Variants in PACRG observed in about 807,000 individuals in gnomAD.
PACRG encodes parkin coregulated.
PACRG carries 29 observed loss-of-function variants against 29.7 expected under a neutral mutation model. The observed-to-expected ratio is 0.98, with a 90% CI of 0.73 to 1.33. The LOEUF is 1.33. Among genes scored for constraint, PACRG ranks in the 40% most tolerant of loss-of-function variants. The probability of loss-of-function intolerance (pLI) is 0.00; values close to 1 mark genes in which losing one functional copy is unlikely to be tolerated. For synonymous variants in PACRG, 116 were observed against 118.7 expected, an observed-to-expected ratio of 0.98 and a Z score of 0.15; for missense variants, 279 against 316.2, an observed-to-expected ratio of 0.88 and a Z score of 0.89.
At chr6:163,143,275 C>G (rs1777629682) in intron 4 of PACRG, among the ~76,000 whole-genome samples, 1 of 152,132 alleles carries the variant, frequency 6.6e-6, no homozygotes, top group Non-Finnish European at 1.5e-5. Flanking sequence ...ACCTCAACAG[C>G]TACTCATGAT....
intron 4 of PACRG, among the ~76,000 whole-genome samples, chr6:163,164,462 C>T (rs922117777): frequency 6.6e-6 from 1 of 152,208 alleles, no homozygotes; most frequent in South Asian, 2.1e-4. Flanking sequence ...TCCCATCCAG[C>T]CTCTATGTCA....
At chr6:162,883,824 AAAATTTAACTACTAAT>A (rs1435332037) in intron 2 of PACRG, among the ~76,000 whole-genome samples, 38 of 152,236 alleles carry the variant, frequency 2.5e-4, no homozygotes, top group African/African-American at 8.9e-4. Flanking sequence ...TGAGTCCCCC[AAAATTTAACTACTAAT>A]ACCCTACTGT....
intron 2 of PACRG, among the ~76,000 whole-genome samples, chr6:162,969,217 A>G (rs1668789411): frequency 6.6e-6 from 1 of 152,080 alleles, no homozygotes; most frequent in Admixed American, 6.6e-5. Flanking sequence ...CTTACTGCTG[A>G]CTGCTGTATA....
At chr6:162,753,447 A>C (rs569096552) in intron 1 of PACRG, among the ~76,000 whole-genome samples, 1 of 152,292 alleles carries the variant, frequency 6.6e-6, no homozygotes, top group African/African-American at 2.4e-5. Context: ...CTCTTTCTTA[A>C]GGCTGAATAG....
At chr6:163,264,069 G>A (rs191362634) in intron 4 of PACRG, among the ~76,000 whole-genome samples, 3 of 152,294 alleles carry the variant, frequency 2.0e-5, no homozygotes, top group Admixed American at 1.3e-4. Flanking sequence ...GTCAAGAGAA[G>A]GAAACTTGCC....
chr6:162,755,814 T>C (rs2128284660), intron 1 of PACRG, among the ~76,000 whole-genome samples: 1 of 152,342 alleles, frequency 6.6e-6, no homozygotes, highest in African/African-American at 2.4e-5. Context: ...TTCCATACGT[T>C]TTGGTGTGTT....
chr6:163,224,771 G>C (rs1781722675), intron 4 of PACRG, among the ~76,000 whole-genome samples: 1 of 151,900 alleles, frequency 6.6e-6, no homozygotes, highest in African/African-American at 2.4e-5. Context: ...CATTGGCCTA[G>C]GTAGTTTTGT....
At chr6:162,962,839 A>G (rs549965002) in intron 2 of PACRG, among the ~76,000 whole-genome samples, 2 of 152,330 alleles carry the variant, frequency 1.3e-5, no homozygotes, top group East Asian at 3.9e-4. Flanking sequence ...TGACTGAAGA[A>G]CAAGGTAGAT....
chr6:163,072,728 A>G (rs1266630074), intron 3 of PACRG, among the ~76,000 whole-genome samples: 3 of 152,180 alleles, frequency 2.0e-5, no homozygotes, highest in African/African-American at 7.2e-5. Flanking sequence ...CCACCAAAAA[A>G]CTATTAGACC....
In PACRG at chr6:163,124,054, C is replaced by T. The variant is rs140012376; in HGVS notation, c.613+34646C>T. On this transcript the variant is annotated intron_variant, in intron 4 of 4. Coordinates refer to ENST00000366888, the MANE Select transcript of PACRG (RefSeq NM_001080379.2). ...ATTCTATTTTAATTTTTTGAGGAAC[C>T]TCCATGCTGCTTTCCATAGTGGCAG... is the stretch of plus-strand genomic sequence containing the variant. 2.6e-5 allele frequency among the ~76,000 whole-genome samples: 4 copies of T among 152,318 alleles called. No homozygotes were observed. The South Asian group carries it at 6.2e-4, about 24-fold the overall frequency.
chr6:162,742,139 A>C (rs141866525), intron 1 of PACRG, among the ~76,000 whole-genome samples: 167 of 152,160 alleles, frequency 1.1e-3, no homozygotes, highest in African/African-American at 3.9e-3. Flanking sequence ...CACGTATGAT[A>C]TGGTTTGGCT....
At chr6:162,841,389 G>A (rs908837432) in intron 2 of PACRG, among the ~76,000 whole-genome samples, 2 of 151,158 alleles carry the variant, frequency 1.3e-5, no homozygotes, top group East Asian at 1.9e-4. Flanking sequence ...GCATAGAGGT[G>A]TTTGTAGTAT....
At chr6:162,833,790 AC>A (rs1295589891) in intron 2 of PACRG, among the ~76,000 whole-genome samples, 2 of 152,094 alleles carry the variant, frequency 1.3e-5, no homozygotes, top group African/African-American at 4.8e-5. Context: ...TAACAGTTTT[AC>A]TTTTACTGAT....
chr6:163,138,013 G>A (rs1185005331), intron 4 of PACRG, among the ~76,000 whole-genome samples: 1 of 152,210 alleles, frequency 6.6e-6, no homozygotes, highest in Admixed American at 6.5e-5. Flanking sequence ...TCAGAGCCTG[G>A]CTCAGAGGCT....
chr6:163,095,313 T>C (rs1814472490), intron 4 of PACRG: 1 of 985,086 alleles, frequency 1.0e-6, no homozygotes, highest in African/African-American at 1.7e-5. Context: ...AAATTACGTC[T>C]CTATGTGCTC....
chr6:163,248,084 C>T (rs1029540115), intron 4 of PACRG, among the ~76,000 whole-genome samples: 3 of 152,152 alleles, frequency 2.0e-5, no homozygotes, highest in Non-Finnish European at 4.4e-5. Context: ...CCTCCATGCC[C>T]CACTGAATGG....
At chr6:162,940,723 T>C (rs1345199972) in intron 2 of PACRG, among the ~76,000 whole-genome samples, 13 of 152,196 alleles carry the variant, frequency 8.5e-5, no homozygotes, top group Admixed American at 8.5e-4. Context: ...CAGTTGCTTT[T>C]TCTGCTTCGG....
intron 2 of PACRG, among the ~76,000 whole-genome samples, chr6:162,969,732 G>C (rs2128157494): frequency 6.6e-6 from 1 of 152,268 alleles, no homozygotes; most frequent in African/African-American, 2.4e-5. Flanking sequence ...TTAGGTCTCA[G>C]CTTAAATGTC....
intron 4 of PACRG, among the ~76,000 whole-genome samples, chr6:163,156,379 C>T (rs1778315993): frequency 6.6e-6 from 1 of 152,176 alleles, no homozygotes; most frequent in South Asian, 2.1e-4. Context: ...ACCAGAGGAG[C>T]CTGGGGGCCG....
Sources: allele counts gnomAD v4.1 joint callset (sites outside exome capture counted in the v4.1 genomes callset), GRCh38; gene constraint gnomAD v4.1.1; transcripts MANE v1.5; gene names NCBI Gene and HGNC (gene_info 2026-07-23, HGNC 2026-07-21).